Variants in DLG3 observed in about 807,000 individuals in gnomAD.
DLG3 encodes the protein discs large MAGUK scaffold protein 3, also known as disks large homolog 3.
A neutral mutation model predicts 64.1 loss-of-function variants in DLG3; 1 was observed. The observed-to-expected ratio is 0.02, with a 90% confidence interval of 0.01 to 0.07. DLG3 has a LOEUF of 0.07. Ranked by LOEUF, DLG3 falls within the 10% of genes least tolerant of loss-of-function variation. The pLI is 1.00. For synonymous variants in DLG3, 245 were observed against 259.8 expected (o/e 0.94, Z 0.55); for missense variants, 429 against 669.5 (o/e 0.64, Z 3.96).
chrX:70,469,405 C>G (rs949651076), intron 9 of DLG3, among the ~76,000 whole-genome samples: 1 of 109,360 alleles, frequency 9.1e-6, no homozygotes, highest in Non-Finnish European at 1.9e-5. Flanking sequence ...CAAGTATCTT[C>G]TTAATGGGCT....
At chrX:70,447,703 G>C (rs191662914) in intron 1 of DLG3, among the ~76,000 whole-genome samples, 2 of 112,271 alleles carry the variant, frequency 1.8e-5, no homozygotes, top group Non-Finnish European at 3.8e-5. Flanking sequence ...GGGGTGCCAG[G>C]GTACCTGGGG....
At chrX:70,446,167 G>C (rs1403048148) in intron 1 of DLG3, among the ~76,000 whole-genome samples, 5 of 111,145 alleles carry the variant, frequency 4.5e-5, no homozygotes, top group Non-Finnish European at 7.6e-5. Context: ...TGTAGAGGAG[G>C]CTGCAGGGAT....
intron 10 of DLG3, among the ~76,000 whole-genome samples, 158 bp downstream of exon 10, chrX:70,479,422 T>A (rs2087115109): frequency 8.9e-6 from 1 of 112,091 alleles, no homozygotes. Flanking sequence ...TTATGGTCAG[T>A]GTCTCCTCCC....
chrX:70,480,384 C>T (rs1259167977), intron 10 of DLG3, among the ~76,000 whole-genome samples: 1 of 111,449 alleles, frequency 9.0e-6, no homozygotes, highest in South Asian at 3.8e-4. Context: ...CTGACTCTAC[C>T]GCAGGGAGTG....
At chrX:70,452,845 C>T in intron 7 of DLG3, 4 of 917,763 alleles carry the variant, frequency 4.4e-6, no homozygotes, top group Non-Finnish European at 5.9e-6. Context: ...AAGAGTCTTG[C>T]GTGGGGCTTT....
Position 70,455,964 on chromosome X carries a change from C to T in DLG3, c.1405+1648C>T, listed in dbSNP as rs1488880572. 2.7e-5 allele frequency: 3 copies of T among 111,942 alleles called. No homozygotes were observed. In the East Asian group the frequency reaches 8.4e-4, roughly 31 times the overall value. The allele number at this position is 111,942 out of a possible 1,213,427, so 9.2% of individuals were successfully genotyped here. A position where few individuals can be genotyped will look rare whatever the true frequency, so the allele number is the denominator to read the frequency against. On this transcript the variant is annotated intron_variant, in intron 9 of 18. Transcript: ENST00000374360. ...GCCTACCTTTGTCCTTTCCGTTCCCCTCCCCCCATGCTCCTTCAGTGCCTC... is the reference window on the plus strand; with the variant it reads ...GCCTACCTTTGTCCTTTCCGTTCCCTTCCCCCCATGCTCCTTCAGTGCCTC...
chrX:70,479,859 G>A (rs2087122466), intron 10 of DLG3, among the ~76,000 whole-genome samples: 1 of 111,423 alleles, frequency 9.0e-6, no homozygotes, highest in South Asian at 3.8e-4. Flanking sequence ...CAGATAGGTA[G>A]CATGGAGTAT....
At chrX:70,493,326 GTT>G (rs749847726) in intron 12 of DLG3, 16 of 900,398 alleles carry the variant, frequency 1.8e-5, no homozygotes, top group Non-Finnish European at 2.3e-5. Context: ...CCATTGTTCT[GTT>G]TTTTTTTTTC....
chrX:70,476,806 T>G (rs1204496355), intron 9 of DLG3, among the ~76,000 whole-genome samples: 1 of 112,496 alleles, frequency 8.9e-6, no homozygotes, highest in Non-Finnish European at 1.9e-5. Context: ...TTGCTCCTCA[T>G]TTACCCAACA....
chrX:70,486,849 G>A (rs749454651), intron 10 of DLG3, among the ~76,000 whole-genome samples: 1 of 110,292 alleles, frequency 9.1e-6, no homozygotes, highest in Admixed American at 9.7e-5. Context: ...GAATATATCA[G>A]TGTTGTGGAA....
intron 9 of DLG3, among the ~76,000 whole-genome samples, chrX:70,467,883 A>G (rs1364820291): frequency 9.0e-6 from 1 of 111,681 alleles, no homozygotes; most frequent in East Asian, 2.8e-4. Context: ...CTTTCATTTG[A>G]ATATGCTATA....
rs2086555234 is a variant in DLG3 at position 70,445,386 on chromosome X, A to G, written c.185A>G (p.Gln62Arg). 3 of 1,181,843 alleles carry G rather than the reference A, an allele frequency of 2.5e-6. No individual in the cohort carries two copies. Among genetic ancestry groups the G allele is most frequent in the Non-Finnish European group, 3.4e-6 (3 of 881,009 alleles). Residue 62 changes from glutamine (Q) to arginine (R), a missense_variant, in exon 1 of 19, where the codon CAG becomes CGG. Around this residue, in one of 9 missense-constraint regions of DLG3, gnomAD observed 123 missense variants for 113.3 expected, o/e 1.09. Transcript: ENST00000374360. The stretch of plus-strand genomic sequence containing the variant: ...TACAGCTCGCAGACCTTGCCCTCGC[A>G]GGCGGGGGCCACCCCCACCCCTCGC... ...GGYSSQTLPS[Q>R]AGATPTPRTK...
In DLG3 at chrX:70,502,386, T is replaced by C; in HGVS notation, c.*117T>C. 3.7e-6 allele frequency: 2 copies of C among 541,829 alleles called. No homozygotes were observed. Among genetic ancestry groups the C allele is most frequent in the Non-Finnish European group, 3.1e-6 (1 of 325,467 alleles). 44.7% of individuals were successfully genotyped at this position (541,829 alleles called of 1,213,427 possible). ...ATGCTACTGTTCTTGTCCCCTTTTT[T>C]AGATATGTCAAAAAAAATTAAGTTT... On this transcript the variant is annotated 3_prime_UTR_variant, in exon 19 of 19. Coordinates refer to ENST00000374360, the MANE Select transcript of DLG3 (RefSeq NM_021120.4).
intron 13 of DLG3, among the ~76,000 whole-genome samples, chrX:70,496,042 A>G (rs192294672): frequency 1.8e-5 from 2 of 111,865 alleles, no homozygotes; most frequent in East Asian, 2.8e-4. Flanking sequence ...TGGACCATAT[A>G]TAGTTAGTGC....
intron 10 of DLG3, among the ~76,000 whole-genome samples, chrX:70,485,132 T>C (rs1481488057): frequency 2.7e-5 from 3 of 111,310 alleles, no homozygotes; most frequent in African/African-American, 9.8e-5. Flanking sequence ...CCAGTTACTA[T>C]GGGAGGGAAC....
At chrX:70,501,284 C>T (rs749445964) in intron 18 of DLG3, among the ~76,000 whole-genome samples, 23 of 110,725 alleles carry the variant, frequency 2.1e-4, no homozygotes, top group African/African-American at 7.2e-4. Context: ...TGTCTCCCTC[C>T]GTTTCAGCTC....
At chrX:70,475,474 C>T (rs1198593522) in intron 9 of DLG3, among the ~76,000 whole-genome samples, 1 of 111,597 alleles carries the variant, frequency 9.0e-6, no homozygotes, top group Non-Finnish European at 1.9e-5. Flanking sequence ...TCTCCTGCCT[C>T]AGCCTCACTA....
At chrX:70,475,503 G>A (rs1466363484) in intron 9 of DLG3, among the ~76,000 whole-genome samples, 1 of 111,544 alleles carries the variant, frequency 9.0e-6, no homozygotes, top group Non-Finnish European at 1.9e-5. Flanking sequence ...GACTACAGGC[G>A]TGTGGCCACC....
chrX:70,493,416 G>A (rs181757438), intron 12 of DLG3: 9 of 1,206,950 alleles, frequency 7.5e-6, no homozygotes, highest in African/African-American at 3.5e-5. Context: ...CGCCTCTCTC[G>A]AAAGTTTCCA....
Sources: allele counts gnomAD v4.1 joint callset (sites outside exome capture counted in the v4.1 genomes callset), GRCh38; gene constraint gnomAD v4.1.1; regional missense constraint gnomAD v4.1.1; transcripts MANE v1.5; gene names NCBI Gene and HGNC (gene_info 2026-07-23, HGNC 2026-07-21).